NAV3: variants seen among roughly 807,000 people sequenced by gnomAD.
NAV3 encodes neuron navigator 3, also known as pore membrane and/or filament interacting like protein 1.
Under a neutral mutation model 244.7 loss-of-function variants are expected in NAV3, and 87 were observed. The ratio of observed to expected loss-of-function variants is 0.36; its 90% confidence interval spans 0.30 to 0.42. NAV3 has a LOEUF of 0.42. Ranked by LOEUF, NAV3 falls within the 20% of genes least tolerant of loss-of-function variation. The probability of loss-of-function intolerance (pLI) is 1.00; values close to 1 mark genes in which losing one functional copy is unlikely to be tolerated. For synonymous variants in NAV3, 1,126 were observed against 1,042.2 expected, an observed-to-expected ratio of 1.08 and a Z score of -1.55; for missense variants, 2,663 against 2,893.3, an observed-to-expected ratio of 0.92 and a Z score of 1.83.
intron 2 of NAV3, among the ~76,000 whole-genome samples, chr12:77,751,296 C>CTT (rs1868841668): frequency 6.6e-6 from 1 of 152,160 alleles, no homozygotes; most frequent in Non-Finnish European, 1.5e-5. Context: ...GAAAGGACTT[C>CTT]TTTTTCTCCT....
intron 1 of NAV3, among the ~76,000 whole-genome samples, chr12:77,863,248 G>T (rs571858478): frequency 2.4e-4 from 37 of 151,938 alleles, no homozygotes; most frequent in African/African-American, 7.7e-4. Context: ...ATACATATTT[G>T]TATGAAAAGG....
chr12:77,988,135 C>A (rs143753506), intron 5 of NAV3, among the ~76,000 whole-genome samples: 4 of 152,106 alleles, frequency 2.6e-5, no homozygotes, highest in African/African-American at 9.7e-5. Flanking sequence ...CACAGTATCT[C>A]CAATGTTATT....
chr12:77,951,200 A>G (rs188652381), intron 3 of NAV3, among the ~76,000 whole-genome samples: 55 of 152,348 alleles, frequency 3.6e-4, no homozygotes, highest in Non-Finnish European at 6.5e-4. Context: ...CAGAATCTAC[A>G]AAGAACTCAA....
chr12:78,125,914 T>C (rs1453689518), intron 16 of NAV3, among the ~76,000 whole-genome samples: 1 of 152,246 alleles, frequency 6.6e-6, no homozygotes, highest in African/African-American at 2.4e-5. Context: ...ATATTCTTTG[T>C]GGCATTAAAC....
rs909064871 is a variant in NAV3, at chr12:78,118,802, CT to C, written c.3041-428del. On this transcript the variant is annotated intron_variant, in intron 14 of 39. Transcript: ENST00000397909. ...AATAGTTCTTCAAAATTGTGCCATA[CT>C]TTTTTTAAAAAGACTCTCCCCGTAT... 5.9e-5 allele frequency among the ~76,000 whole-genome samples: 9 copies of C among 152,144 alleles called. No individual in the cohort carries two copies. In the South Asian group the frequency reaches 1.7e-3, roughly 28 times the overall value.
Position 78,197,262 on chromosome 12 carries a change from C to T in NAV3, c.6307C>T (p.Leu2103=). The T allele has an allele frequency of 1.3e-6, 2 of 1,552,536 alleles. No individual in the cohort carries two copies. Among genetic ancestry groups the T allele is most frequent in the African/African-American group, 1.4e-5 (1 of 72,778 alleles). ...TTTTTAAAAGGAATTGCAACAATATCTAGCTAACCTGGCTGAACAGTGCAG... is the reference window on the plus strand; with the variant it reads ...TTTTTAAAAGGAATTGCAACAATATTTAGCTAACCTGGCTGAACAGTGCAG... ...HKSSKELQQY[L]ANLAEQCSAD... is the part of the protein sequence containing the mutation. Residue 2103 remains leucine, a synonymous_variant, in exon 35 of 40, where the codon CTA becomes TTA. Transcript: ENST00000397909.
chr12:77,591,312 A>G (rs1010146492), intron 2 of NAV3, among the ~76,000 whole-genome samples: 12 of 152,200 alleles, frequency 7.9e-5, no homozygotes, highest in African/African-American at 2.7e-4. Flanking sequence ...ATTTACTTCT[A>G]TGATTGATAG....
intron 1 of NAV3, among the ~76,000 whole-genome samples, chr12:77,872,028 C>T (rs1267235860): frequency 2.0e-5 from 3 of 152,184 alleles, no homozygotes; most frequent in African/African-American, 4.8e-5. Flanking sequence ...TTGGGTTTCT[C>T]TAATGACCGG....
intron 2 of NAV3, among the ~76,000 whole-genome samples, chr12:77,699,709 C>A (rs530507338): frequency 1.3e-5 from 2 of 151,828 alleles, no homozygotes; most frequent in African/African-American, 4.8e-5. Context: ...AGCTAAGTGG[C>A]TTCAGGGTAG....
chr12:78,123,066 C>A (rs921146451), intron 16 of NAV3, among the ~76,000 whole-genome samples: 1 of 152,024 alleles, frequency 6.6e-6, no homozygotes, highest in Non-Finnish European at 1.5e-5. Flanking sequence ...GAGGACATAG[C>A]AAGGCATTTC....
intron 2 of NAV3, among the ~76,000 whole-genome samples, chr12:77,690,086 G>A (rs1001682474): frequency 1.4e-4 from 22 of 151,792 alleles, no homozygotes; most frequent in African/African-American, 4.3e-4. Context: ...ATGACATTCA[G>A]CTTTAACAGG....
At chr12:78,004,184 T>C (rs1185280549) in intron 7 of NAV3, among the ~76,000 whole-genome samples, 1 of 152,248 alleles carries the variant, frequency 6.6e-6, no homozygotes, top group Non-Finnish European at 1.5e-5. Context: ...TTTCTCATTT[T>C]TAACAAGAGA....
At chr12:77,576,705 G>T (rs914938603) in intron 2 of NAV3, among the ~76,000 whole-genome samples, 6 of 151,666 alleles carry the variant, frequency 4.0e-5, no homozygotes, top group African/African-American at 1.5e-4. Context: ...TGTTTATGTT[G>T]GAAACTAATT....
intron 2 of NAV3, among the ~76,000 whole-genome samples, chr12:77,748,634 G>C (rs1868680413): frequency 6.6e-6 from 1 of 152,116 alleles, no homozygotes; most frequent in Non-Finnish European, 1.5e-5. Context: ...AATAAATCAG[G>C]CAGGAAAAGA....
intron 12 of NAV3, among the ~76,000 whole-genome samples, chr12:78,110,920 A>G (rs1333209911): frequency 6.6e-6 from 1 of 152,086 alleles, no homozygotes; most frequent in Non-Finnish European, 1.5e-5. Flanking sequence ...TCTAGGCACA[A>G]AAAGATAAAT....
At chr12:78,190,269 T>C (rs1454457414) in intron 34 of NAV3, 50 bp downstream of exon 34, 1 of 1,452,868 alleles carries the variant, frequency 6.9e-7, no homozygotes, top group East Asian at 2.4e-5. Flanking sequence ...CATAAGTGTT[T>C]TAAGCAATCA....
At chr12:77,807,599 G>T (rs2135989299) in intron 2 of NAV3, among the ~76,000 whole-genome samples, 1 of 152,284 alleles carries the variant, frequency 6.6e-6, no homozygotes, top group East Asian at 1.9e-4. Context: ...CTCTCTGGCT[G>T]CCCATAATAT....
rs749131402 is a variant in NAV3, at chr12:78,119,242, A to G, written c.3046A>G (p.Thr1016Ala). ...GTGTATTTCTCCTTAATTAGGGAAA[A>G]CCGATGATGCCAAAGCTTCTGAGAA... ...GTSALKTPGK[T>A]DDAKASEKGK... The change falls in exon 15 of 40, where the codon ACC (threonine) becomes GCC (alanine). Residue 1016 changes from threonine (T) to alanine (A), a missense_variant. Coordinates refer to ENST00000397909, the MANE Select transcript of NAV3 (RefSeq NM_001024383.2). 1.9e-6 allele frequency: 3 copies of G among 1,608,286 alleles called. No individual in the cohort carries two copies. The highest frequency in any genetic ancestry group is 1.7e-5 in the Admixed American group (1 of 58,504).
chr12:77,941,258 C>T (rs117823962), intron 3 of NAV3, 125 bp downstream of exon 3: 14,889 of 646,844 alleles, frequency 0.023, 209 homozygotes, highest in Non-Finnish European at 0.031. Flanking sequence ...TGATCCCATT[C>T]TCTCATATGT....
Sources: gnomAD v4.1 joint callset for allele counts (sites outside exome capture counted in the v4.1 genomes callset) on GRCh38, gnomAD v4.1.1 for gene constraint, MANE v1.5 for transcripts, NCBI Gene and HGNC (gene_info 2026-07-23, HGNC 2026-07-21) for gene names.